The following MRTFB variants were observed in gnomAD, a reference collection of about 807,000 sequenced individuals.
MRTFB encodes the protein myocardin related transcription factor B.
Under a neutral mutation model 104.2 loss-of-function variants are expected in MRTFB, and 29 were observed. That is an observed-to-expected ratio of 0.28 (90% CI 0.21 to 0.38). The LOEUF (loss-of-function observed/expected upper bound fraction) is 0.38. Ranked by LOEUF, MRTFB falls within the 10% of genes least tolerant of loss-of-function variation. The probability of loss-of-function intolerance (pLI) is 1.00; values close to 1 mark genes in which losing one functional copy is unlikely to be tolerated. For missense variants in MRTFB, 1,270 were observed against 1,341.6 expected, an observed-to-expected ratio of 0.95 and a Z score of 0.83; for synonymous variants, 535 against 519.5, an observed-to-expected ratio of 1.03 and a Z score of -0.41.
intron 8 of MRTFB, among the ~76,000 whole-genome samples, chr16:14,229,621 CA>C (rs1446422403): frequency 3.3e-5 from 5 of 152,200 alleles, no homozygotes; most frequent in Non-Finnish European, 7.3e-5. Context: ...ACATCTGAAA[CA>C]GGATAGAGCT....
chr16:14,099,984 C>T (rs2142046622), intron 2 of MRTFB, among the ~76,000 whole-genome samples: 1 of 152,258 alleles, frequency 6.6e-6, no homozygotes, highest in South Asian at 2.1e-4. Flanking sequence ...CTTTTCTATA[C>T]TCACTACTAG....
At chr16:14,154,588 C>G (rs548565605) in intron 3 of MRTFB, among the ~76,000 whole-genome samples, 6 of 152,136 alleles carry the variant, frequency 3.9e-5, no homozygotes, top group Non-Finnish European at 8.8e-5. Context: ...CAGCCAAATG[C>G]AGCATGCATT....
At chr16:14,075,952 G>A (rs149530026) in intron 1 of MRTFB, among the ~76,000 whole-genome samples, 14 of 152,118 alleles carry the variant, frequency 9.2e-5, no homozygotes, top group Admixed American at 3.3e-4. Context: ...AATGACATAA[G>A]ACATATTTTG....
intron 3 of MRTFB, chr16:14,151,633 A>G (rs2038619587): frequency 6.6e-6 from 1 of 152,126 alleles, no homozygotes; most frequent in South Asian, 2.1e-4. Context: ...CAGTTTCTTA[A>G]TGTCTCACCA....
chr16:14,088,812 G>A (rs987324632), intron 2 of MRTFB, among the ~76,000 whole-genome samples: 21 of 152,166 alleles, frequency 1.4e-4, no homozygotes, highest in African/African-American at 4.8e-4. Flanking sequence ...ACATTTTTTC[G>A]TGAGGAAAAA....
chr16:14,035,395 A>C, the MRTFB span, among the ~76,000 whole-genome samples: 2 of 152,194 alleles, frequency 1.3e-5, no homozygotes, highest in African/African-American at 4.8e-5. Flanking sequence ...CTTCTATCTC[A>C]GAAATTTAGC....
intron 2 of MRTFB, among the ~76,000 whole-genome samples, chr16:14,081,654 A>T (rs1299889656): frequency 6.6e-6 from 1 of 152,026 alleles, no homozygotes; most frequent in East Asian, 1.9e-4. Flanking sequence ...ATCACGGCTC[A>T]CTGCAGCCTT....
At chr16:14,205,701 T>C (rs1270523350) in intron 3 of MRTFB, among the ~76,000 whole-genome samples, 1 of 152,236 alleles carries the variant, frequency 6.6e-6, no homozygotes, top group Non-Finnish European at 1.5e-5. Flanking sequence ...TCTGAAAGGA[T>C]GTACACACTC....
chr16:14,249,000 C>T lies in MRTFB; in HGVS notation c.2322C>T (p.Ala774=), dbSNP rs746887350. The change falls in exon 13 of 17, where the codon GCC becomes GCT. Residue 774 remains alanine, a synonymous_variant. Coordinates refer to ENST00000571589, the MANE Select transcript of MRTFB (RefSeq NM_001308142.2). ...CACAAATACCAACTGCTGCCTTGGC[C>T]TCAGGCTTGGCCCCAACTGTACCTC... ...TAAQIPTAAL[A]SGLAPTVPQT... The T allele has an allele frequency of 2.0e-5, 32 of 1,614,074 alleles. No homozygotes were observed. The highest frequency in any genetic ancestry group is 2.6e-5 in the Non-Finnish European group (31 of 1,180,028).
chr16:14,037,617 G>T, the MRTFB span, among the ~76,000 whole-genome samples: 1 of 152,158 alleles, frequency 6.6e-6, no homozygotes, highest in Non-Finnish European at 1.5e-5. Flanking sequence ...TGTGGTCATT[G>T]TTTCCTGGAA....
intron 8 of MRTFB, among the ~76,000 whole-genome samples, chr16:14,219,721 A>C (rs1055181532): frequency 2.0e-5 from 3 of 152,204 alleles, no homozygotes; most frequent in African/African-American, 7.2e-5. Context: ...GTTAGGAGCT[A>C]TGTCTTTCAG....
At chr16:14,041,560 C>T in the MRTFB span, among the ~76,000 whole-genome samples, 1 of 152,138 alleles carries the variant, frequency 6.6e-6, no homozygotes, top group Non-Finnish European at 1.5e-5. Flanking sequence ...ATTCATGTAT[C>T]CATCAATAGA....
intron 3 of MRTFB, among the ~76,000 whole-genome samples, chr16:14,161,976 C>T (rs1176926610): frequency 6.6e-6 from 1 of 151,990 alleles, no homozygotes; most frequent in Non-Finnish European, 1.5e-5. Flanking sequence ...CAGAATTACA[C>T]TTCTAGATTG....
chr16:14,086,324 G>A (rs2034701494), intron 2 of MRTFB, among the ~76,000 whole-genome samples: 2 of 152,130 alleles, frequency 1.3e-5, no homozygotes, highest in African/African-American at 4.8e-5. Context: ...CTTTGTTTCT[G>A]TTGGAATATG....
intron 3 of MRTFB, chr16:14,151,204 A>G (rs2038597730): frequency 6.6e-6 from 1 of 152,240 alleles, no homozygotes; most frequent in African/African-American, 2.4e-5. Flanking sequence ...CTGTATGTGT[A>G]TGTAAGTTTT....
At chr16:14,244,295 G>T (rs1163832987) in intron 10 of MRTFB, among the ~76,000 whole-genome samples, 1 of 152,126 alleles carries the variant, frequency 6.6e-6, no homozygotes, top group African/African-American at 2.4e-5. Context: ...GCTTACTCTT[G>T]ATGCGTAGTT....
chr16:14,090,928 G>C (rs902448358), intron 2 of MRTFB, among the ~76,000 whole-genome samples: 1 of 147,376 alleles, frequency 6.8e-6, no homozygotes, highest in Non-Finnish European at 1.5e-5. Flanking sequence ...GTGTAGTTCT[G>C]TATAGTCACA....
At chr16:14,226,967 G>A (rs562479365) in intron 8 of MRTFB, among the ~76,000 whole-genome samples, 3 of 132,408 alleles carry the variant, frequency 2.3e-5, no homozygotes, top group East Asian at 4.3e-4. Context: ...GGGACAGAGC[G>A]AGAACCTGTC....
At chr16:14,012,705 A>G in the MRTFB span, among the ~76,000 whole-genome samples, 3 of 152,138 alleles carry the variant, frequency 2.0e-5, no homozygotes, top group Non-Finnish European at 2.9e-5. Context: ...CAGGGGGTTA[A>G]GCAATGTATG....
Sources: allele counts gnomAD v4.1 joint callset (sites outside exome capture counted in the v4.1 genomes callset), GRCh38; gene constraint gnomAD v4.1.1; transcripts MANE v1.5; gene names NCBI Gene and HGNC (gene_info 2026-07-23, HGNC 2026-07-21).